The following DYSF variants were observed in gnomAD, a reference collection of about 807,000 sequenced individuals.
DYSF encodes dystrophy-associated fer-1-like 1.
DYSF carries 212 observed loss-of-function variants against 274.9 expected under a neutral mutation model. That is an observed-to-expected ratio of 0.77 (90% confidence interval 0.69 to 0.86). DYSF has a LOEUF of 0.86. Among genes scored for constraint, DYSF ranks in the 40% least tolerant of loss-of-function variants. The pLI, the probability that DYSF is intolerant of heterozygous loss-of-function variation, is 0.00. For synonymous variants in DYSF, 1,091 were observed against 1,078.7 expected (o/e 1.01, Z -0.22); for missense variants, 2,666 against 2,783.2 (o/e 0.96, Z 0.95).
At chr2:71,582,106 CAAAAAAAAAAAAAAAAAA>C in intron 30 of DYSF, among the ~76,000 whole-genome samples, 2 of 35,120 alleles carry the variant, frequency 5.7e-5, no homozygotes, top group South Asian at 2.7e-3. Context: ...GACTCCGTCT[CAAAAAAAAAAAAAAAAAA>C]AAAAAAAAAG....
In DYSF at chr2:71,599,308, A is replaced by C. The variant is rs984538278; in HGVS notation, c.3756+563A>C. Among the ~76,000 whole-genome samples, 27 of 152,242 alleles carry C rather than the reference A, an allele frequency of 1.8e-4. 1 individual carries two copies. The highest frequency in any genetic ancestry group is 6.5e-5 in the Admixed American group (1 of 15,284). ...TGTGCTGTCCAAAAAGGGAGCCTCT[A>C]GCTGCACGAGGCTGCCCAGCACTGG... On this transcript the variant is annotated intron_variant, in intron 33 of 55. Transcript: ENST00000410020.
intron 51 of DYSF, among the ~76,000 whole-genome samples, 146 bp from the exon 52 acceptor site, chr2:71,674,027 CCTTCTGGGATCTGTCCTTCCCAGT>C (rs2095175935): frequency 6.6e-6 from 1 of 152,124 alleles, no homozygotes; most frequent in East Asian, 1.9e-4. Context: ...TTGAACACTG[CCTTCTGGGATCTGTCCTTCCCAGT>C]CTTCCCACAG....
At chr2:71,665,007 G>A (rs879197787) in intron 46 of DYSF, among the ~76,000 whole-genome samples, 155 bp from the exon 47 acceptor site, 4 of 152,190 alleles carry the variant, frequency 2.6e-5, no homozygotes, top group Admixed American at 2.0e-4. Context: ...GTAAAATGGG[G>A]ATGCCCAGTC....
intron 17 of DYSF, among the ~76,000 whole-genome samples, chr2:71,547,088 A>G (rs1045699155): frequency 1.3e-5 from 2 of 152,258 alleles, no homozygotes; most frequent in Non-Finnish European, 2.9e-5. Context: ...GGAAAACACA[A>G]TAAAACACTT....
intron 4 of DYSF, among the ~76,000 whole-genome samples, chr2:71,504,240 C>G (rs991619487): frequency 1.3e-5 from 2 of 152,116 alleles, no homozygotes; most frequent in African/African-American, 2.4e-5. Context: ...CCCCTAGACC[C>G]TCTGGTGGAA....
At chr2:71,527,169 C>T (rs2152749825) in intron 13 of DYSF, among the ~76,000 whole-genome samples, 1 of 152,296 alleles carries the variant, frequency 6.6e-6, no homozygotes, top group East Asian at 1.9e-4. Context: ...CAGGGCTCAG[C>T]ATTGGTAGGG....
At chr2:71,485,154 A>C (rs966650135) in intron 3 of DYSF, among the ~76,000 whole-genome samples, 1 of 152,270 alleles carries the variant, frequency 6.6e-6, no homozygotes. Context: ...TCTAGCAATT[A>C]AAACTTGTCT....
intron 52 of DYSF, among the ~76,000 whole-genome samples, chr2:71,674,603 G>A (rs2095188741): frequency 6.6e-6 from 1 of 152,242 alleles, no homozygotes; most frequent in South Asian, 2.1e-4. Context: ...TGTGCTGCCT[G>A]TCGCCAGCTG....
chr2:71,589,651 G>A lies in DYSF; in HGVS notation c.3461G>A (p.Gly1154Asp), dbSNP rs2093191681. 6 of 1,614,116 alleles carry A rather than the reference G, an allele frequency of 3.7e-6. No individual in the cohort carries two copies. The East Asian group carries it at 1.1e-4, about 30-fold the overall frequency. The change falls in exon 31 of 56, where the codon GGT becomes GAT. Residue 1154 changes from glycine to aspartate, a missense_variant. By Grantham distance (94) the Gly-to-Asp change is moderately conservative. Around this residue, in one of 3 missense-constraint regions of DYSF, gnomAD observed 1,460 missense variants for 1,502.1 expected, o/e 0.97. Transcript: ENST00000410020. The stretch of plus-strand genomic sequence containing the variant: ...ATGTCCGTCTCCACCTTGAGCTTCG[G>A]TGTGAACAGACCCACGATTTCCTGC... ...DSMSVSTLSF[G>D]VNRPTISCIF... is the part of the protein sequence containing the mutation.
rs973967508 is a variant in DYSF at position 71,650,877 on chromosome 2, C to T, written c.4627-5285C>T. 3.9e-5 allele frequency among the ~76,000 whole-genome samples: 6 copies of T among 152,150 alleles called. No homozygotes were observed. In the South Asian group the frequency reaches 1.0e-3, roughly 26 times the overall value. Reference sequence around the variant, plus strand: ...AACTTACTGGTTATAGTTAAAGCAGCGTTCAGAGGGAATTTGTGGCCTTAA... The same window carrying T: ...AACTTACTGGTTATAGTTAAAGCAGTGTTCAGAGGGAATTTGTGGCCTTAA... On this transcript the variant is annotated intron_variant, in intron 42 of 55. Coordinates refer to ENST00000410020, the MANE Select transcript of DYSF (RefSeq NM_001130987.2).
intron 3 of DYSF, among the ~76,000 whole-genome samples, chr2:71,499,626 C>A (rs1255759818): frequency 1.3e-5 from 2 of 152,196 alleles, no homozygotes; most frequent in Non-Finnish European, 2.9e-5. Context: ...GGAACTAGTT[C>A]TTTTTCTACG....
intron 3 of DYSF, among the ~76,000 whole-genome samples, chr2:71,484,981 T>A (rs1278016676): frequency 2.0e-5 from 3 of 152,182 alleles, no homozygotes; most frequent in African/African-American, 7.2e-5. Context: ...CAGTGCCCCA[T>A]GTGAGCAGTT....
chr2:71,515,184 A>G (rs1045974353), intron 7 of DYSF, among the ~76,000 whole-genome samples: 6 of 152,248 alleles, frequency 3.9e-5, no homozygotes, highest in African/African-American at 1.4e-4. Context: ...AATGTAAGAA[A>G]GCATTGCATC....
intron 47 of DYSF, among the ~76,000 whole-genome samples, chr2:71,666,128 C>T (rs996055256): frequency 6.6e-6 from 1 of 152,140 alleles, no homozygotes; most frequent in Admixed American, 6.5e-5. Context: ...CAGCCCTGCC[C>T]CCCTTCATTC....
chr2:71,460,216 AGTTCCCTTTGACAAC>A (rs1314409359), intron 1 of DYSF, among the ~76,000 whole-genome samples: 18 of 152,316 alleles, frequency 1.2e-4, no homozygotes, highest in South Asian at 4.1e-4. Flanking sequence ...TATCCCCAGA[AGTTCCCTTTGACAAC>A]GTGGTCCATG....
At chr2:71,564,391 C>T (rs907114679) in intron 24 of DYSF, among the ~76,000 whole-genome samples, 178 bp downstream of exon 24, 1 of 152,170 alleles carries the variant, frequency 6.6e-6, no homozygotes. Context: ...CCCCGAAGTC[C>T]CCAGGCCCCT....
chr2:71,476,066 G>A (rs2082370678), intron 1 of DYSF, among the ~76,000 whole-genome samples: 2 of 152,120 alleles, frequency 1.3e-5, no homozygotes, highest in Non-Finnish European at 1.5e-5. Context: ...GGACCTCACT[G>A]GCCCCTAAGA....
chr2:71,577,393 CACACACTAACACCCAT>C (rs2092740750), intron 30 of DYSF, among the ~76,000 whole-genome samples: 1 of 151,810 alleles, frequency 6.6e-6, no homozygotes, highest in Admixed American at 6.6e-5. Flanking sequence ...ACAACACCCC[CACACACTAACACCCAT>C]ACACACTAAC....
At chr2:71,539,535 G>A (rs747197013) in intron 17 of DYSF, among the ~76,000 whole-genome samples, 2 of 152,142 alleles carry the variant, frequency 1.3e-5, no homozygotes, top group Admixed American at 6.5e-5. Context: ...TGCCTTGGCC[G>A]ACTGTGCTCT....
Sources: allele counts gnomAD v4.1 joint callset (sites outside exome capture counted in the v4.1 genomes callset), GRCh38; gene constraint gnomAD v4.1.1; regional missense constraint gnomAD v4.1.1; transcripts MANE v1.5; gene names NCBI Gene and HGNC (gene_info 2026-07-23, HGNC 2026-07-21).